SGCZ: variants seen among roughly 807,000 people sequenced by gnomAD.
SGCZ encodes the protein sarcoglycan zeta, also known as zeta-sarcoglycan.
A neutral mutation model predicts 41.3 loss-of-function variants in SGCZ; 40 were observed. The ratio of observed to expected loss-of-function variants is 0.97; its 90% confidence interval spans 0.75 to 1.26. The LOEUF (loss-of-function observed/expected upper bound fraction) is 1.26. Ranked by LOEUF, SGCZ falls within the 50% of genes most tolerant of loss-of-function variation. The probability of loss-of-function intolerance (pLI) is 0.00; values close to 1 mark genes in which losing one functional copy is unlikely to be tolerated. For synonymous variants in SGCZ, 206 were observed against 137.5 expected, an observed-to-expected ratio of 1.50 and a Z score of -3.49; for missense variants, 552 against 369.8, an observed-to-expected ratio of 1.49 and a Z score of -4.04.
At chr8:14,337,364 C>G (rs935922111) in intron 2 of SGCZ, among the ~76,000 whole-genome samples, 1 of 152,018 alleles carries the variant, frequency 6.6e-6, no homozygotes, top group Non-Finnish European at 1.5e-5. Context: ...GCCCAATCAG[C>G]AGGTATCAGC....
At chr8:14,927,242 G>T (rs569771840) in intron 1 of SGCZ, among the ~76,000 whole-genome samples, 139 of 151,710 alleles carry the variant, frequency 9.2e-4, no homozygotes, top group African/African-American at 2.5e-3. Flanking sequence ...CGGAGCAGCT[G>T]GGACTACAGG....
At position 14,611,950 on chromosome 8, in the gene SGCZ, A is replaced by G. The variant is rs7813794; in HGVS notation, c.40-57024T>C. Among the ~76,000 whole-genome samples, 606 of 152,286 alleles carry G rather than the reference A, an allele frequency of 4.0e-3. 4 individuals are homozygous for G. Among genetic ancestry groups the G allele is most frequent in the African/African-American group, 0.012 (496 of 41,564 alleles). The stretch of plus-strand genomic sequence containing the variant: ...CAGGTAAATATGATATGTAAATATT[A>G]TGTCTTAAAAATTCTTAGTAATTCT... On this transcript the variant is annotated intron_variant, in intron 1 of 7. Coordinates refer to ENST00000382080, the MANE Select transcript of SGCZ (RefSeq NM_139167.4).
At chr8:14,792,939 A>G (rs1801002069) in intron 1 of SGCZ, among the ~76,000 whole-genome samples, 1 of 152,160 alleles carries the variant, frequency 6.6e-6, no homozygotes, top group Admixed American at 6.5e-5. Context: ...ATGACACTAA[A>G]TTTATATTTC....
In SGCZ at chr8:14,086,404, A is replaced by G. The variant is rs1801523964; in HGVS notation, c.*4039T>C. Among the ~76,000 whole-genome samples the G allele has an allele frequency of 1.3e-5, 2 of 151,716 alleles. No homozygotes were observed. The highest frequency in any genetic ancestry group is 3.2e-3 in the Middle Eastern group (1 of 316). ...AATAATTTATTAGGAGTTTTATTGT[A>G]TCAAATGCTATTTTTGTAAAACGAG... On this transcript the variant is annotated 3_prime_UTR_variant, in exon 8 of 8. Coordinates refer to ENST00000382080, the MANE Select transcript of SGCZ (RefSeq NM_139167.4).
chr8:14,303,271 A>T (rs1196461773), intron 3 of SGCZ, among the ~76,000 whole-genome samples: 1 of 152,224 alleles, frequency 6.6e-6, no homozygotes, highest in African/African-American at 2.4e-5. Context: ...AGTTAACCGT[A>T]AATAAAACTT....
chr8:14,295,708 G>T (rs976889894), intron 3 of SGCZ, among the ~76,000 whole-genome samples: 2 of 152,078 alleles, frequency 1.3e-5, no homozygotes, highest in Non-Finnish European at 2.9e-5. Context: ...CTTTTATGAA[G>T]GTTTTCTGCC....
At chr8:14,287,666 G>T (rs1800687941) in intron 3 of SGCZ, among the ~76,000 whole-genome samples, 1 of 151,958 alleles carries the variant, frequency 6.6e-6, no homozygotes, top group Admixed American at 6.6e-5. Flanking sequence ...TGACAGTCAG[G>T]TTTTTAATTT....
chr8:14,312,254 T>C (rs1022158462), intron 3 of SGCZ, among the ~76,000 whole-genome samples: 3 of 152,196 alleles, frequency 2.0e-5, no homozygotes, highest in African/African-American at 7.2e-5. Context: ...TCAAAAAAGA[T>C]TGAAAAACAC....
At chr8:14,929,054 T>G (rs1035452486) in intron 1 of SGCZ, among the ~76,000 whole-genome samples, 1 of 152,094 alleles carries the variant, frequency 6.6e-6, no homozygotes, top group Non-Finnish European at 1.5e-5. Context: ...TGCAGTGGCA[T>G]GATCTCGGCT....
intron 5 of SGCZ, among the ~76,000 whole-genome samples, chr8:14,132,782 T>C (rs1342377610): frequency 1.3e-5 from 2 of 152,220 alleles, no homozygotes; most frequent in African/African-American, 4.8e-5. Context: ...TTGAGTATTA[T>C]AAAGTGGCAA....
chr8:15,220,605 C>T (rs1008441826), intron 1 of SGCZ, among the ~76,000 whole-genome samples: 11 of 152,118 alleles, frequency 7.2e-5, no homozygotes, highest in South Asian at 2.1e-4. Context: ...GACAGTGTGT[C>T]GATTCCTCAA....
chr8:14,327,174 G>T (rs898862694), intron 2 of SGCZ, among the ~76,000 whole-genome samples: 4 of 152,148 alleles, frequency 2.6e-5, no homozygotes, highest in Non-Finnish European at 5.9e-5. Flanking sequence ...ATGAAGACAG[G>T]TTTATCACCA....
At chr8:14,447,535 G>A (rs55739808) in intron 2 of SGCZ, among the ~76,000 whole-genome samples, 25,684 of 152,014 alleles carry the variant, frequency 0.17, 2,273 homozygotes, top group African/African-American at 0.22. Context: ...GAGTCAGTAG[G>A]AGACACCCTC....
chr8:14,782,142 T>C (rs1380341834), intron 1 of SGCZ, among the ~76,000 whole-genome samples: 1 of 152,228 alleles, frequency 6.6e-6, no homozygotes, highest in African/African-American at 2.4e-5. Flanking sequence ...AATGAAAAAA[T>C]TGGATAAACG....
intron 1 of SGCZ, among the ~76,000 whole-genome samples, chr8:15,236,800 C>T (rs1418831956): frequency 2.0e-5 from 3 of 152,138 alleles, no homozygotes; most frequent in Non-Finnish European, 4.4e-5. Flanking sequence ...AGGGAGAGGG[C>T]GCGGCGCGGG....
intron 3 of SGCZ, among the ~76,000 whole-genome samples, chr8:14,273,147 A>C (rs1307326963): frequency 6.6e-6 from 1 of 152,110 alleles, no homozygotes; most frequent in Non-Finnish European, 1.5e-5. Context: ...GCAATAATTC[A>C]TTAAGGCCTT....
intron 1 of SGCZ, among the ~76,000 whole-genome samples, chr8:14,869,685 A>C (rs769845419): frequency 4.7e-4 from 72 of 152,188 alleles, no homozygotes; most frequent in Non-Finnish European, 7.5e-4. Context: ...TATATTTAGA[A>C]AACCCCATTG....
intron 1 of SGCZ, among the ~76,000 whole-genome samples, chr8:15,197,719 CAG>C (rs1456509137): frequency 6.6e-6 from 1 of 152,144 alleles, no homozygotes; most frequent in African/African-American, 2.4e-5. Context: ...GCCTCAAAAA[CAG>C]GGGGAGGCAA....
chr8:14,328,874 G>A (rs1484081554), intron 2 of SGCZ, among the ~76,000 whole-genome samples: 3 of 152,132 alleles, frequency 2.0e-5, no homozygotes, highest in South Asian at 2.1e-4. Context: ...GAAGCTTCAC[G>A]CAGTGTTTCG....
Sources: gnomAD v4.1 joint callset for allele counts (sites outside exome capture counted in the v4.1 genomes callset) on GRCh38, gnomAD v4.1.1 for gene constraint, MANE v1.5 for transcripts, NCBI Gene and HGNC (gene_info 2026-07-23, HGNC 2026-07-21) for gene names.